The following ZNF385D variants were observed in gnomAD, a reference collection of about 807,000 sequenced individuals.
The protein encoded by ZNF385D is zinc finger protein 659.
In ZNF385D, 15 loss-of-function variants were observed where a neutral mutation model predicts 35.8. That is an observed-to-expected ratio of 0.42 (90% CI 0.28 to 0.64). The LOEUF is 0.64. Ranked by LOEUF, ZNF385D falls within the 30% of genes least tolerant of loss-of-function variation. ZNF385D has a pLI of 0.23. For missense variants in ZNF385D, 474 were observed against 494.6 expected, an observed-to-expected ratio of 0.96 and a Z score of 0.39; for synonymous variants, 212 against 186.8, an observed-to-expected ratio of 1.13 and a Z score of -1.10.
chr3:22,236,222 T>A (rs1433865319), intron 2 of ZNF385D, among the ~76,000 whole-genome samples: 3 of 152,220 alleles, frequency 2.0e-5, no homozygotes, highest in African/African-American at 7.2e-5. Context: ...ATGTATATTT[T>A]ATGTATACGT....
intron 3 of ZNF385D, among the ~76,000 whole-genome samples, chr3:22,065,746 C>A (rs887490790): frequency 3.3e-5 from 5 of 152,190 alleles, no homozygotes; most frequent in East Asian, 1.9e-4. Context: ...CATAAAAAAA[C>A]CAGCACATAA....
chr3:22,250,809 G>C (rs745590149), intron 2 of ZNF385D, among the ~76,000 whole-genome samples: 6 of 152,072 alleles, frequency 3.9e-5, no homozygotes, highest in African/African-American at 9.7e-5. Context: ...GGAGAGTTTA[G>C]AGTGAATCTG....
intron 1 of ZNF385D, among the ~76,000 whole-genome samples, chr3:21,722,961 T>C (rs968140): frequency 0.69 from 104,785 of 152,084 alleles, 36,239 homozygotes; most frequent in East Asian, 0.76. Context: ...CGGATACAGC[T>C]CTTTGAGTCC....
intron 1 of ZNF385D, among the ~76,000 whole-genome samples, chr3:21,700,646 G>A (rs1352377192): frequency 6.6e-6 from 1 of 152,090 alleles, no homozygotes; most frequent in African/African-American, 2.4e-5. Context: ...ATTTACTGGT[G>A]TGTAAAACGG....
At chr3:21,762,082 T>C (rs1225185235) in intron 3 of ZNF385D, among the ~76,000 whole-genome samples, 1 of 151,974 alleles carries the variant, frequency 6.6e-6, no homozygotes, top group Non-Finnish European at 1.5e-5. Context: ...TTTCACCATA[T>C]TGGCCAGGAT....
intron 2 of ZNF385D, among the ~76,000 whole-genome samples, chr3:21,662,947 G>C (rs2066282403): frequency 1.3e-5 from 2 of 152,152 alleles, no homozygotes; most frequent in African/African-American, 4.8e-5. Context: ...CCTTACCACA[G>C]ACTTATGAGG....
intron 3 of ZNF385D, among the ~76,000 whole-genome samples, chr3:21,839,825 G>T (rs1003729859): frequency 6.6e-6 from 1 of 151,964 alleles, no homozygotes; most frequent in African/African-American, 2.4e-5. Flanking sequence ...ACTCCCACAT[G>T]TATTACTGGC....
At chr3:21,756,804 C>T (rs145046661) in intron 3 of ZNF385D, among the ~76,000 whole-genome samples, 2,227 of 152,254 alleles carry the variant, frequency 0.015, 40 homozygotes, top group Middle Eastern at 0.048. Flanking sequence ...TACCACTACT[C>T]AATGTCAAAA....
intron 1 of ZNF385D, among the ~76,000 whole-genome samples, chr3:21,739,630 T>C (rs1315383599): frequency 6.6e-6 from 1 of 152,170 alleles, no homozygotes; most frequent in Non-Finnish European, 1.5e-5. Context: ...AGGCAAAGTG[T>C]ACAATGAAGA....
chr3:21,866,869 G>A (rs779699995), intron 3 of ZNF385D, among the ~76,000 whole-genome samples: 2 of 152,106 alleles, frequency 1.3e-5, no homozygotes, highest in Non-Finnish European at 2.9e-5. Flanking sequence ...ACATCTTTGG[G>A]CTTAAGATAG....
intron 2 of ZNF385D, among the ~76,000 whole-genome samples, chr3:22,253,497 C>A (rs1186186189): frequency 2.6e-5 from 4 of 151,906 alleles, no homozygotes; most frequent in African/African-American, 9.7e-5. Flanking sequence ...AATCAATACA[C>A]TTTTAATAGT....
intron 3 of ZNF385D, among the ~76,000 whole-genome samples, chr3:22,151,433 G>A (rs1196087074): frequency 6.6e-6 from 1 of 152,116 alleles, no homozygotes; most frequent in Non-Finnish European, 1.5e-5. Flanking sequence ...AATAATTAGA[G>A]TTTGAATAGA....
intron 4 of ZNF385D, among the ~76,000 whole-genome samples, chr3:21,463,146 G>A (rs775935451): frequency 2.0e-5 from 3 of 152,016 alleles, no homozygotes; most frequent in Non-Finnish European, 2.9e-5. Context: ...CATTTTATTA[G>A]ATGTAGTAAT....
intron 3 of ZNF385D, among the ~76,000 whole-genome samples, chr3:21,531,217 A>G (rs1161321490): frequency 6.6e-6 from 1 of 152,202 alleles, no homozygotes; most frequent in East Asian, 1.9e-4. Context: ...ATTATTGTGC[A>G]CCTATCAGAA....
At chr3:22,097,063 T>G (rs1235444839) in intron 3 of ZNF385D, among the ~76,000 whole-genome samples, 2 of 152,030 alleles carry the variant, frequency 1.3e-5, no homozygotes, top group Non-Finnish European at 2.9e-5. Context: ...GTGACTGCAT[T>G]ATCTTGTCAG....
At chr3:22,361,131 CA>C (rs1696390301) in intron 2 of ZNF385D, among the ~76,000 whole-genome samples, 1 of 151,992 alleles carries the variant, frequency 6.6e-6, no homozygotes, top group Non-Finnish European at 1.5e-5. Flanking sequence ...TTTGAATTAT[CA>C]AAGGGATGAT....
chr3:22,175,799 TG>T (rs1694788826), intron 2 of ZNF385D, among the ~76,000 whole-genome samples: 1 of 151,076 alleles, frequency 6.6e-6, no homozygotes, highest in Admixed American at 6.6e-5. Flanking sequence ...GCATCATATT[TG>T]GAATACATAT....
At chr3:21,865,194 T>C (rs191280354) in intron 3 of ZNF385D, among the ~76,000 whole-genome samples, 1 of 151,686 alleles carries the variant, frequency 6.6e-6, no homozygotes, top group Non-Finnish European at 1.5e-5. Context: ...ATTAGAGTAT[T>C]TGCTATGCAT....
intron 3 of ZNF385D, among the ~76,000 whole-genome samples, chr3:21,844,830 C>A (rs1195612828): frequency 6.6e-6 from 1 of 151,714 alleles, no homozygotes; most frequent in African/African-American, 2.4e-5. Context: ...TTCAGAGTTG[C>A]CTTGTTCAAC....
Sources: allele counts gnomAD v4.1 joint callset (sites outside exome capture counted in the v4.1 genomes callset), GRCh38; gene constraint gnomAD v4.1.1; transcripts MANE v1.5; gene names NCBI Gene and HGNC (gene_info 2026-07-23, HGNC 2026-07-21).